Variants in PCDH19 observed in about 807,000 individuals in gnomAD.
PCDH19 encodes the protein protocadherin-19.
PCDH19 carries 6 observed loss-of-function variants against 46.2 expected under a neutral mutation model. That is an observed-to-expected ratio of 0.13 (90% confidence interval 0.07 to 0.26). The LOEUF (loss-of-function observed/expected upper bound fraction) is 0.26, where lower values mean the gene tolerates loss of function less well. Among genes scored for constraint, PCDH19 ranks in the 10% least tolerant of loss-of-function variants. The pLI is 1.00. For synonymous variants in PCDH19, 481 were observed against 415.7 expected (o/e 1.16, Z -1.91); for missense variants, 740 against 972.3 (o/e 0.76, Z 3.18).
intron 5 of PCDH19, among the ~76,000 whole-genome samples, chrX:100,328,607 G>A (rs1169729608): frequency 9.0e-6 from 1 of 111,401 alleles, no homozygotes; most frequent in Non-Finnish European, 1.9e-5. Flanking sequence ...GGCAGACAGG[G>A]CTACAGCGTG....
In PCDH19 at chrX:100,331,664, G is replaced by A. The variant is rs770919821; in HGVS notation, c.2848+10239C>T. ...AGGGAGGTGATTGGATCATGGGGAC[G>A]GTTTCCCCTATGCTGTTCTGATGAT... On this transcript the variant is annotated intron_variant, in intron 5 of 5. Transcript: ENST00000373034. 4.5e-5 allele frequency among the ~76,000 whole-genome samples: 5 copies of A among 111,638 alleles called. No homozygotes were observed. The South Asian group carries it at 1.1e-3, about 26-fold the overall frequency.
At chrX:100,308,669 GACAAATCAGCAAGAAGAAAACCA>G (rs1459117962) in intron 5 of PCDH19, among the ~76,000 whole-genome samples, 1 of 110,742 alleles carries the variant, frequency 9.0e-6, no homozygotes, top group Non-Finnish European at 1.9e-5. Context: ...AAGGAACTCA[GACAAATCAGCAAGAAGAAAACCA>G]ACAATCCCAT....
At chrX:100,358,551 T>C (rs1926786571) in intron 3 of PCDH19, among the ~76,000 whole-genome samples, 1 of 112,001 alleles carries the variant, frequency 8.9e-6, no homozygotes, top group African/African-American at 3.2e-5. Context: ...AACCCAGTTG[T>C]GAATTTCACT....
At chrX:100,317,519 C>G (rs751267834) in intron 5 of PCDH19, among the ~76,000 whole-genome samples, 1 of 109,093 alleles carries the variant, frequency 9.2e-6, no homozygotes, top group East Asian at 2.9e-4. Context: ...AATAAAAGTT[C>G]GGTCCAGAAG....
At chrX:100,399,272 GATTA>G (rs959216314) in intron 3 of PCDH19, among the ~76,000 whole-genome samples, 16 of 111,228 alleles carry the variant, frequency 1.4e-4, no homozygotes, top group African/African-American at 3.6e-4. Context: ...TTCTTGAATG[GATTA>G]ATTAATTAAT....
chrX:100,396,311 A>G (rs1052971032), intron 3 of PCDH19, among the ~76,000 whole-genome samples: 2 of 112,066 alleles, frequency 1.8e-5, no homozygotes, highest in African/African-American at 6.5e-5. Flanking sequence ...GCTGGGCACA[A>G]TAAGCCCAAG....
chrX:100,347,249 C>T (rs1422953646), intron 4 of PCDH19, among the ~76,000 whole-genome samples: 2 of 111,014 alleles, frequency 1.8e-5, no homozygotes, highest in Admixed American at 1.9e-4. Flanking sequence ...AAGACATCAG[C>T]GGGAGATCAG....
intron 5 of PCDH19, among the ~76,000 whole-genome samples, chrX:100,335,921 A>G (rs760676688): frequency 8.9e-6 from 1 of 112,227 alleles, no homozygotes; most frequent in Non-Finnish European, 1.9e-5. Flanking sequence ...TTCACTAGGT[A>G]TATTTGCAAG....
intron 3 of PCDH19, among the ~76,000 whole-genome samples, chrX:100,398,846 G>A (rs1007263816): frequency 2.7e-5 from 3 of 111,812 alleles, no homozygotes; most frequent in Non-Finnish European, 5.6e-5. Flanking sequence ...CCCTGTAACT[G>A]GATCTACAGC....
intron 3 of PCDH19, among the ~76,000 whole-genome samples, chrX:100,351,691 G>A (rs1926575418): frequency 8.9e-6 from 1 of 112,185 alleles, no homozygotes; most frequent in African/African-American, 3.2e-5. Context: ...TTCCTTAGGA[G>A]CCTTCTGAAA....
At position 100,295,583 on chromosome X, in the gene PCDH19, C is replaced by T. The variant is rs1359787022; in HGVS notation, c.*694G>A. 2 of 112,305 alleles carry T rather than the reference C, an allele frequency of 1.8e-5. No homozygotes were observed. Among genetic ancestry groups the T allele is most frequent in the African/African-American group, 6.5e-5 (2 of 30,930 alleles). The allele number at this position is 112,305 out of a possible 1,213,427, so 9.3% of individuals were successfully genotyped here. On this transcript the variant is annotated 3_prime_UTR_variant, in exon 6 of 6. Transcript: ENST00000373034. ...ATTCATTTGCTGTCTCAGTTGTTTG[C>T]ACTTTGTTTTTGTCTGTAGTTTTAT...
At chrX:100,308,869 T>C (rs1393080477) in intron 5 of PCDH19, among the ~76,000 whole-genome samples, 1 of 111,054 alleles carries the variant, frequency 9.0e-6, no homozygotes, top group Admixed American at 9.6e-5. Flanking sequence ...AATAAAAAAA[T>C]AATAAATGTT....
At position 100,292,426 on chromosome X, in the gene PCDH19, A is replaced by C. The variant is rs955759656; in HGVS notation, c.*3851T>G. 8.0e-5 allele frequency: 9 copies of C among 112,612 alleles called. No homozygotes were observed. Among genetic ancestry groups the C allele is most frequent in the Non-Finnish European group, 1.7e-4 (9 of 53,293 alleles). The allele number at this position is 112,612 out of a possible 1,213,427, so 9.3% of individuals were successfully genotyped here. A position where few individuals can be genotyped will look rare whatever the true frequency, so the allele number is the denominator to read the frequency against. On this transcript the variant is annotated 3_prime_UTR_variant, in exon 6 of 6. Transcript: ENST00000373034. ...AATCTATGTATCAGACAAGGTGGTAAATTTTCTTTGTTTCACAAAAGCAAT... is the reference window on the plus strand; with the variant it reads ...AATCTATGTATCAGACAAGGTGGTACATTTTCTTTGTTTCACAAAAGCAAT...
chrX:100,310,128 T>A (rs916950435), intron 5 of PCDH19, among the ~76,000 whole-genome samples: 2 of 112,191 alleles, frequency 1.8e-5, no homozygotes, highest in Non-Finnish European at 3.8e-5. Context: ...AGTGCTGAGC[T>A]GGTCAAACAG....
intron 5 of PCDH19, among the ~76,000 whole-genome samples, chrX:100,305,513 A>G (rs1924917982): frequency 8.9e-6 from 1 of 111,864 alleles, no homozygotes; most frequent in South Asian, 3.7e-4. Context: ...TAACACAATG[A>G]AAAAAAGGTA....
intron 5 of PCDH19, among the ~76,000 whole-genome samples, chrX:100,323,709 T>TA (rs1925591814): frequency 9.1e-6 from 1 of 110,058 alleles, no homozygotes; most frequent in Non-Finnish European, 1.9e-5. Context: ...CTTTACCAAA[T>TA]AAAAATAAGC....
chrX:100,308,500 A>G (rs1038305305), intron 5 of PCDH19, among the ~76,000 whole-genome samples: 31 of 112,251 alleles, frequency 2.8e-4, no homozygotes, highest in Admixed American at 2.5e-3. Flanking sequence ...CCAAGAACCC[A>G]AAAGCAAACA....
At chrX:100,332,317 T>C (rs769074631) in intron 5 of PCDH19, among the ~76,000 whole-genome samples, 6 of 110,770 alleles carry the variant, frequency 5.4e-5, no homozygotes, top group Non-Finnish European at 9.5e-5. Context: ...AGGTCAGGAG[T>C]TCGAGACCAG....
intron 5 of PCDH19, among the ~76,000 whole-genome samples, chrX:100,312,115 G>GAGAGAGA (rs1165833168): frequency 9.1e-6 from 1 of 110,349 alleles, no homozygotes; most frequent in African/African-American, 3.3e-5. Flanking sequence ...GAGAGAGAGA[G>GAGAGAGA]AGAGAGAAGA....
Sources: allele counts gnomAD v4.1 joint callset (sites outside exome capture counted in the v4.1 genomes callset), GRCh38; gene constraint gnomAD v4.1.1; transcripts MANE v1.5; gene names NCBI Gene and HGNC (gene_info 2026-07-23, HGNC 2026-07-21).